TRMT9B: variants seen among roughly 807,000 people sequenced by gnomAD.
TRMT9B encodes the protein probable tRNA methyltransferase 9B.
Under a neutral mutation model 11.5 loss-of-function variants are expected in TRMT9B, and 16 were observed. The ratio of observed to expected loss-of-function variants is 1.39; its 90% CI spans 0.94 to 2.11. The LOEUF is 2.11. TRMT9B is among the 30% of genes most tolerant of loss of function. The probability of loss-of-function intolerance (pLI) is 0.00; values close to 1 mark genes in which losing one functional copy is unlikely to be tolerated. For missense variants in TRMT9B, 941 were observed against 553.8 expected, an observed-to-expected ratio of 1.70 and a Z score of -7.02; for synonymous variants, 274 against 192.4, an observed-to-expected ratio of 1.42 and a Z score of -3.51.
chr8:12,999,824 C>T (rs976217721), intron 2 of TRMT9B, among the ~76,000 whole-genome samples: 18 of 152,084 alleles, frequency 1.2e-4, no homozygotes, highest in African/African-American at 4.3e-4. Context: ...TAGAAGTTGC[C>T]ACTAGGCTCA....
At chr8:12,990,249 C>G (rs1035755743) in intron 1 of TRMT9B, among the ~76,000 whole-genome samples, 21 of 152,098 alleles carry the variant, frequency 1.4e-4, no homozygotes, top group Non-Finnish European at 2.6e-4. Context: ...TGGGCTTTTC[C>G]TATCATATCA....
At chr8:13,010,370 G>C (rs1243695725) in intron 3 of TRMT9B, 1 of 978,028 alleles carries the variant, frequency 1.0e-6, no homozygotes, top group African/African-American at 1.8e-5. Context: ...AAGTTCAAAG[G>C]GATGAGGAGA....
intron 2 of TRMT9B, among the ~76,000 whole-genome samples, chr8:12,999,815 A>G (rs548980476): frequency 6.6e-6 from 1 of 152,354 alleles, no homozygotes; most frequent in East Asian, 1.9e-4. Flanking sequence ...GACTGTAGGT[A>G]GAAGTTGCCA....
intron 1 of TRMT9B, among the ~76,000 whole-genome samples, chr8:12,977,316 A>T (rs1804612393): frequency 6.6e-6 from 1 of 152,218 alleles, no homozygotes; most frequent in Non-Finnish European, 1.5e-5. Context: ...TACTGTGCAC[A>T]CAGATAACCG....
chr8:12,987,026 A>C (rs1806432029), intron 1 of TRMT9B, among the ~76,000 whole-genome samples: 1 of 152,138 alleles, frequency 6.6e-6, no homozygotes, highest in Non-Finnish European at 1.5e-5. Flanking sequence ...AAGCTGGACT[A>C]GGTCCTATAT....
intron 3 of TRMT9B, chr8:13,011,393 G>T (rs1811585149): frequency 2.5e-5 from 25 of 985,216 alleles, no homozygotes; most frequent in Non-Finnish European, 2.8e-5. Context: ...AGTAAGGAGG[G>T]GTTATTAGTG....
chr8:12,967,852 C>G (rs1295109057), intron 1 of TRMT9B, among the ~76,000 whole-genome samples: 1 of 152,144 alleles, frequency 6.6e-6, no homozygotes, highest in African/African-American at 2.4e-5. Flanking sequence ...GGCTGAAGGT[C>G]CTTATTATAC....
rs975537074 is a variant in TRMT9B at position 13,028,117 on chromosome 8, C to G, written c.*6073C>G. 1.8e-5 allele frequency: 3 copies of G among 167,096 alleles called. No homozygotes were observed. Among genetic ancestry groups the G allele is most frequent in the African/African-American group, 7.2e-5 (3 of 41,470 alleles). 10.4% of individuals were successfully genotyped at this position (167,096 alleles called of 1,614,324 possible). ...TTTAATTCCCCAGGGATCCTACGGT[C>G]TATGACACATTAACAGGGGTGTGAA... On this transcript the variant is annotated 3_prime_UTR_variant, in exon 5 of 5. Transcript: ENST00000524591.
At chr8:12,987,221 T>C (rs1299367973) in intron 1 of TRMT9B, among the ~76,000 whole-genome samples, 13 of 152,220 alleles carry the variant, frequency 8.5e-5, no homozygotes, top group Admixed American at 7.9e-4. Flanking sequence ...CTCCTTCTTA[T>C]CTGTAAAATG....
intron 1 of TRMT9B, among the ~76,000 whole-genome samples, chr8:12,956,169 G>C (rs774733799): frequency 4.6e-5 from 7 of 152,200 alleles, no homozygotes; most frequent in Non-Finnish European, 8.8e-5. Context: ...TAGGTTTCTA[G>C]CCTCAAAGGT....
At chr8:13,016,742 G>A (rs1016961707) in intron 4 of TRMT9B, among the ~76,000 whole-genome samples, 2 of 151,254 alleles carry the variant, frequency 1.3e-5, no homozygotes, top group Admixed American at 1.3e-4. Flanking sequence ...TCAACTGGGG[G>A]TTACGTTGCT....
intron 1 of TRMT9B, among the ~76,000 whole-genome samples, chr8:12,964,639 G>A (rs960273610): frequency 2.6e-5 from 4 of 152,136 alleles, no homozygotes; most frequent in African/African-American, 7.2e-5. Flanking sequence ...CAGTGGCACA[G>A]TCACAGCTCA....
At chr8:12,957,623 G>A (rs1353425027) in intron 1 of TRMT9B, among the ~76,000 whole-genome samples, 1 of 152,164 alleles carries the variant, frequency 6.6e-6, no homozygotes, top group Non-Finnish European at 1.5e-5. Flanking sequence ...AATGATTACT[G>A]ATTGCCCTGA....
intron 2 of TRMT9B, among the ~76,000 whole-genome samples, chr8:12,992,141 G>C (rs1466178118): frequency 1.3e-5 from 2 of 152,132 alleles, no homozygotes; most frequent in African/African-American, 4.8e-5. Context: ...TGATTCATTG[G>C]ATCTACAATT....
intron 2 of TRMT9B, among the ~76,000 whole-genome samples, chr8:12,996,523 A>G (rs560324977): frequency 5.3e-5 from 8 of 152,290 alleles, no homozygotes; most frequent in Middle Eastern, 3.4e-3. Flanking sequence ...TTGACATTTC[A>G]CCTGATCTTT....
At position 12,979,616 on chromosome 8, in the gene TRMT9B, C is replaced by T. The variant is rs528999362; in HGVS notation, c.-199-11218C>T. Among the ~76,000 whole-genome samples, 6 of 152,334 alleles carry T rather than the reference C, an allele frequency of 3.9e-5. No individual in the cohort carries two copies. The East Asian group carries it at 1.2e-3, about 29-fold the overall frequency. ...CGATGTTAACTCCCAAAGCCTTGCCCTACTTGGGTACCTAATTCCTGCAAC... is the reference window on the plus strand; with the variant it reads ...CGATGTTAACTCCCAAAGCCTTGCCTTACTTGGGTACCTAATTCCTGCAAC... On this transcript the variant is annotated intron_variant, in intron 1 of 4. Coordinates refer to ENST00000524591, the MANE Select transcript of TRMT9B (RefSeq NM_020844.3).
At chr8:13,004,607 G>C (rs956777928) in intron 2 of TRMT9B, among the ~76,000 whole-genome samples, 1 of 151,982 alleles carries the variant, frequency 6.6e-6, no homozygotes, top group Non-Finnish European at 1.5e-5. Flanking sequence ...ACCTAGTCCT[G>C]TCAGGACCCA....
chr8:13,011,808 A>T (rs6993033), intron 3 of TRMT9B: 45,476 of 957,646 alleles, frequency 0.047, 1,132 homozygotes, highest in African/African-American at 0.077. Flanking sequence ...ATCATTTTAA[A>T]TGTAGCAATG....
chr8:12,975,946 C>G (rs924120568), intron 1 of TRMT9B, among the ~76,000 whole-genome samples: 1 of 151,984 alleles, frequency 6.6e-6, no homozygotes, highest in Non-Finnish European at 1.5e-5. Flanking sequence ...CAAATGAATA[C>G]GATAATATTT....
Sources: gnomAD v4.1 joint callset for allele counts (sites outside exome capture counted in the v4.1 genomes callset) on GRCh38, gnomAD v4.1.1 for gene constraint, MANE v1.5 for transcripts, NCBI Gene and HGNC (gene_info 2026-07-23, HGNC 2026-07-21) for gene names.